Variants in LONP2 observed in about 807,000 individuals in gnomAD.
The protein encoded by LONP2 is lon peptidase 2, peroxisomal.
LONP2 carries 60 observed loss-of-function variants against 85.6 expected under a neutral mutation model. The ratio of observed to expected loss-of-function variants is 0.70; its 90% confidence interval spans 0.57 to 0.87. The LOEUF (loss-of-function observed/expected upper bound fraction) is 0.87. Among genes scored for constraint, LONP2 ranks in the 40% least tolerant of loss-of-function variants. LONP2 has a pLI of 0.00. For synonymous variants in LONP2, 395 were observed against 389.7 expected, an observed-to-expected ratio of 1.01 and a Z score of -0.16; for missense variants, 860 against 1,063.5, an observed-to-expected ratio of 0.81 and a Z score of 2.66.
rs557296267 is a variant in LONP2 at position 48,289,662 on chromosome 16, G to A, written c.1384-6353G>A. 9.2e-5 allele frequency among the ~76,000 whole-genome samples: 14 copies of A among 152,234 alleles called. No individual in the cohort carries two copies. The South Asian group carries it at 2.5e-3, about 27-fold the overall frequency. On this transcript the variant is annotated intron_variant, in intron 8 of 14. Coordinates refer to ENST00000285737, the MANE Select transcript of LONP2 (RefSeq NM_031490.5). ...AGTGAGGACACCACAGGCAGCCTTCGACCTTATGGAACTTCTTCTAAGTGA... is the reference window on the plus strand; with the variant it reads ...AGTGAGGACACCACAGGCAGCCTTCAACCTTATGGAACTTCTTCTAAGTGA...
intron 8 of LONP2, among the ~76,000 whole-genome samples, chr16:48,292,893 C>T (rs530520065): frequency 5.2e-4 from 79 of 152,256 alleles, no homozygotes; most frequent in African/African-American, 1.7e-3. Context: ...GTTAATTTAT[C>T]TAGAGTTTTT....
intron 9 of LONP2, among the ~76,000 whole-genome samples, chr16:48,297,218 G>A (rs1293421614): frequency 2.0e-5 from 3 of 152,238 alleles, no homozygotes; most frequent in Admixed American, 6.5e-5. Flanking sequence ...GTCTGGCCTC[G>A]AACTCCTGGC....
rs112850872 is a variant in LONP2 at position 48,246,004 on chromosome 16, C to T, written c.233+1383C>T. Among the ~76,000 whole-genome samples the T allele has an allele frequency of 7.0e-3, 1,061 of 152,086 alleles. 17 individuals carry two copies. The highest frequency in any genetic ancestry group is 0.024 in the African/African-American group (1,011 of 41,478). ...GGGTTCCTGACTCTGAATGGATTTC[C>T]GGAGGGTTGGACATGTCTTATTTTT... is the stretch of plus-strand genomic sequence containing the variant. On this transcript the variant is annotated intron_variant, in intron 1 of 14. Coordinates refer to ENST00000285737, the MANE Select transcript of LONP2 (RefSeq NM_031490.5).
At chr16:48,259,312 G>A (rs2150967981) in intron 4 of LONP2, among the ~76,000 whole-genome samples, 1 of 152,226 alleles carries the variant, frequency 6.6e-6, no homozygotes, top group South Asian at 2.1e-4. Context: ...GACAGCAGTT[G>A]TATTTTTCCC....
At chr16:48,302,873 T>A (rs534508526) in intron 10 of LONP2, among the ~76,000 whole-genome samples, 7 of 152,242 alleles carry the variant, frequency 4.6e-5, no homozygotes, top group Non-Finnish European at 1.0e-4. Flanking sequence ...TAAATGGTTT[T>A]TTATATGCTG....
intron 12 of LONP2, among the ~76,000 whole-genome samples, chr16:48,341,507 G>C (rs2151029295): frequency 6.6e-6 from 1 of 152,098 alleles, no homozygotes; most frequent in African/African-American, 2.4e-5. Context: ...GAGGACGACA[G>C]TACCAAGGGG....
chr16:48,252,148 T>C lies in LONP2; in HGVS notation c.251T>C (p.Leu84Pro). The change falls in exon 2 of 15, where the codon CTG becomes CCG. Residue 84 changes from leucine (L) to proline (P), a missense_variant. Coordinates refer to ENST00000285737, the MANE Select transcript of LONP2 (RefSeq NM_031490.5). Reference sequence around the variant, plus strand: ...TTTTTCAGGATTGGCACAGCTGCACTGGCCGTTCAGGTTGTGGGCAGTAAC... The same window carrying C: ...TTTTTCAGGATTGGCACAGCTGCACCGGCCGTTCAGGTTGTGGGCAGTAAC... ...PPLHRIGTAA[L>P]AVQVVGSNWP... 1 of 1,596,764 alleles carries C rather than the reference T, an allele frequency of 6.3e-7. No homozygotes were observed.
chr16:48,339,047 G>A (rs1596998552), intron 12 of LONP2, among the ~76,000 whole-genome samples: 1 of 152,324 alleles, frequency 6.6e-6, no homozygotes, highest in East Asian at 1.9e-4. Flanking sequence ...TAGAGCCCCA[G>A]ATATTGAGGC....
At chr16:48,357,513 C>T (rs1310415710), downstream of LONP2, among the ~76,000 whole-genome samples, 1 of 152,184 alleles carries the variant, frequency 6.6e-6, no homozygotes, top group Admixed American at 6.5e-5. Context: ...TACCACAGTC[C>T]TGCGTGGTAG....
At chr16:48,361,598 T>G (rs373867044), downstream of LONP2, 146 of 1,612,804 alleles carry the variant, frequency 9.1e-5, 1 homozygote, top group Non-Finnish European at 8.7e-5. Flanking sequence ...TGGAAATAGT[T>G]ACATTGATGC....
intron 7 of LONP2, among the ~76,000 whole-genome samples, chr16:48,276,006 A>G (rs937330190): frequency 6.6e-6 from 1 of 152,210 alleles, no homozygotes; most frequent in Admixed American, 6.6e-5. Flanking sequence ...AAAATGACCC[A>G]TTAGAGCCTT....
At chr16:48,289,598 A>T (rs941959032) in intron 8 of LONP2, among the ~76,000 whole-genome samples, 2 of 152,202 alleles carry the variant, frequency 1.3e-5, no homozygotes, top group Non-Finnish European at 2.9e-5. Flanking sequence ...CACAGCACAC[A>T]TGGACAGCAA....
intron 8 of LONP2, among the ~76,000 whole-genome samples, chr16:48,288,388 C>T (rs572296784): frequency 1.3e-4 from 20 of 152,144 alleles, no homozygotes; most frequent in Admixed American, 2.0e-4. Context: ...CTCCTGACCT[C>T]GTGATCCATC....
intron 11 of LONP2, among the ~76,000 whole-genome samples, chr16:48,306,727 A>G (rs9931574): frequency 0.013 from 2,010 of 152,302 alleles, 46 homozygotes; most frequent in African/African-American, 0.045. Context: ...CAACCAAACC[A>G]AAAGAATAAT....
At chr16:48,336,730 CAG>C (rs1210713655) in intron 12 of LONP2, among the ~76,000 whole-genome samples, 4 of 152,172 alleles carry the variant, frequency 2.6e-5, no homozygotes, top group Non-Finnish European at 5.9e-5. Context: ...GGAATGTCAT[CAG>C]TTAAGGCAGG....
chr16:48,289,318 G>A (rs896282193), intron 8 of LONP2, among the ~76,000 whole-genome samples: 4 of 152,152 alleles, frequency 2.6e-5, no homozygotes, highest in East Asian at 1.9e-4. Flanking sequence ...AGCATGAGAC[G>A]TCAATCAGCA....
Position 48,294,733 on chromosome 16 carries a change from CAAACA to C in LONP2, c.1384-1258_1384-1254del, listed in dbSNP as rs374800451. Among the ~76,000 whole-genome samples the C allele has an allele frequency of 7.0e-4, 106 of 152,108 alleles. 1 individual carries two copies. In the East Asian group the frequency reaches 0.011, roughly 16 times the overall value. On this transcript the variant is annotated intron_variant, in intron 8 of 14. Transcript: ENST00000285737. ...TTGGTGACAAAATGAGACTCTGTCT[CAAACA>C]AAACAAAACAAAACAAAACAAAAAA...
intron 2 of LONP2, among the ~76,000 whole-genome samples, chr16:48,255,475 G>A (rs1018555677): frequency 1.3e-5 from 2 of 152,206 alleles, no homozygotes; most frequent in African/African-American, 4.8e-5. Context: ...TAGCCCTAAT[G>A]ACTATCACAG....
chr16:48,299,581 CT>C, intron 9 of LONP2, 80 bp from the exon 10 acceptor site: 3 of 1,353,744 alleles, frequency 2.2e-6, no homozygotes. Flanking sequence ...GACTCTGTCT[CT>C]AAAAAAAAAA....
Sources: allele counts gnomAD v4.1 joint callset (sites outside exome capture counted in the v4.1 genomes callset), GRCh38; gene constraint gnomAD v4.1.1; transcripts MANE v1.5; gene names NCBI Gene and HGNC (gene_info 2026-07-23, HGNC 2026-07-21).